Variants in DACH2 observed in about 807,000 individuals in gnomAD.
DACH2 encodes the protein dachshund family transcription factor 2.
Under a neutral mutation model 35.8 loss-of-function variants are expected in DACH2, and 17 were observed. That is an observed-to-expected ratio of 0.48 (90% confidence interval 0.33 to 0.71). The LOEUF (loss-of-function observed/expected upper bound fraction) is 0.71, where lower values mean the gene tolerates loss of function less well. Ranked by LOEUF, DACH2 falls within the 30% of genes least tolerant of loss-of-function variation. The probability of loss-of-function intolerance (pLI) is 0.02; values close to 1 mark genes in which losing one functional copy is unlikely to be tolerated. For synonymous variants in DACH2, 195 were observed against 177.3 expected (o/e 1.10, Z -0.79); for missense variants, 469 against 472.7 (o/e 0.99, Z 0.07).
chrX:86,398,521 G>T (rs1468220613), intron 2 of DACH2, among the ~76,000 whole-genome samples: 1 of 111,581 alleles, frequency 9.0e-6, no homozygotes, highest in Non-Finnish European at 1.9e-5. Context: ...TCTCCTGTGG[G>T]CATTTAATGC....
At position 86,735,581 on chromosome X, in the gene DACH2, G is replaced by A. The variant is rs745455627; in HGVS notation, c.1105-4166G>A. 2.7e-5 allele frequency among the ~76,000 whole-genome samples: 3 copies of A among 111,630 alleles called. No individual in the cohort carries two copies. In the South Asian group the frequency reaches 1.1e-3, roughly 41 times the overall value. ...TTTAGGCAAAGTCCTTGAACTATGT[G>A]AGTACACATCAGAATCTGAGTTATT... On this transcript the variant is annotated intron_variant, in intron 6 of 11. Transcript: ENST00000373125.
intron 2 of DACH2, among the ~76,000 whole-genome samples, chrX:86,496,523 C>T (rs1283131467): frequency 9.1e-6 from 1 of 110,097 alleles, no homozygotes. Context: ...TAATTCTACC[C>T]ATGTAATTGC....
chrX:86,546,418 TTTC>T (rs1186619287), intron 3 of DACH2, among the ~76,000 whole-genome samples: 9 of 33,878 alleles, frequency 2.7e-4, no homozygotes, highest in Non-Finnish European at 5.0e-4. Flanking sequence ...CTTCTTCTTC[TTTC>T]TTCTTCTTCT....
intron 3 of DACH2, among the ~76,000 whole-genome samples, chrX:86,626,525 C>A (rs1232551150): frequency 8.9e-6 from 1 of 112,695 alleles, no homozygotes; most frequent in Admixed American, 9.3e-5. Flanking sequence ...TGTGGGGGAT[C>A]CCACCCCCCA....
intron 1 of DACH2, among the ~76,000 whole-genome samples, chrX:86,359,568 T>C (rs550044529): frequency 3.6e-5 from 4 of 111,181 alleles, no homozygotes; most frequent in African/African-American, 1.3e-4. Flanking sequence ...GTCAACATAG[T>C]GAGACCCAAT....
chrX:86,379,494 G>GAAA (rs201266171), intron 2 of DACH2, among the ~76,000 whole-genome samples: 28 of 105,402 alleles, frequency 2.7e-4, no homozygotes, highest in African/African-American at 9.3e-4. Context: ...AATCTCTCTA[G>GAAA]GAAAAAAAAA....
At chrX:86,412,388 G>T (rs1303364325) in intron 2 of DACH2, among the ~76,000 whole-genome samples, 2 of 111,758 alleles carry the variant, frequency 1.8e-5, no homozygotes, top group Admixed American at 1.9e-4. Context: ...ATTGGATGCT[G>T]ATTCAGAGCA....
chrX:86,470,427 A>G (rs1035037408), intron 2 of DACH2, among the ~76,000 whole-genome samples: 104 of 112,042 alleles, frequency 9.3e-4, no homozygotes, highest in African/African-American at 3.3e-3. Context: ...CATGTCACAT[A>G]ATAATATCAT....
chrX:86,295,654 G>T (rs1316711522), intron 1 of DACH2, among the ~76,000 whole-genome samples: 2 of 110,916 alleles, frequency 1.8e-5, no homozygotes. Context: ...CTCCTTGGTC[G>T]GACATCAGCT....
intron 5 of DACH2, among the ~76,000 whole-genome samples, chrX:86,711,662 C>T (rs1485536069): frequency 1.8e-5 from 2 of 111,675 alleles, no homozygotes; most frequent in African/African-American, 3.3e-5. Flanking sequence ...TCAGTATTTG[C>T]GTATGCTTTG....
intron 7 of DACH2, among the ~76,000 whole-genome samples, chrX:86,750,172 TATCTC>T (rs772210417): frequency 2.5e-3 from 276 of 111,579 alleles, no homozygotes; most frequent in African/African-American, 8.5e-3. Flanking sequence ...TCTTATTTCT[TATCTC>T]AAGAGGAAAG....
intron 2 of DACH2, among the ~76,000 whole-genome samples, chrX:86,450,215 T>C (rs1456426249): frequency 1.8e-5 from 2 of 110,716 alleles, no homozygotes; most frequent in Non-Finnish European, 3.8e-5. Flanking sequence ...TTCCTGATCC[T>C]CTCCATCCTC....
At position 86,332,964 on chromosome X, in the gene DACH2, A is replaced by T. The variant is rs73518152; in HGVS notation, c.489-43860A>T. Among the ~76,000 whole-genome samples the T allele has an allele frequency of 3.6e-4, 40 of 112,025 alleles. 1 individual carries two copies. Among genetic ancestry groups the T allele is most frequent in the African/African-American group, 1.3e-3 (40 of 30,996 alleles). ...ATTTTAATCAAGCTTTCAGTAATTTATGCTTATTAGTTTTTCACTGATCTG... is the reference window on the plus strand; with the variant it reads ...ATTTTAATCAAGCTTTCAGTAATTTTTGCTTATTAGTTTTTCACTGATCTG... On this transcript the variant is annotated intron_variant, in intron 1 of 11. Coordinates refer to ENST00000373125, the MANE Select transcript of DACH2 (RefSeq NM_053281.3).
At chrX:86,616,258 A>G (rs998456091) in intron 3 of DACH2, among the ~76,000 whole-genome samples, 4 of 111,768 alleles carry the variant, frequency 3.6e-5, no homozygotes, top group African/African-American at 1.3e-4. Context: ...TTCATAGTAG[A>G]AAGATTTATA....
chrX:86,290,316 A>C (rs1294787849), intron 1 of DACH2, among the ~76,000 whole-genome samples: 1 of 66,109 alleles, frequency 1.5e-5, no homozygotes, highest in African/African-American at 6.1e-5. Flanking sequence ...TAGATTCTGG[A>C]TATTAGCCCT....
rs752636892 is a variant in DACH2, at chrX:86,537,391, C to A, written c.640+23000C>A. Among the ~76,000 whole-genome samples, 3 of 111,021 alleles carry A rather than the reference C, an allele frequency of 2.7e-5. No homozygotes were observed. In the East Asian group the frequency reaches 8.6e-4, roughly 32 times the overall value. ...GGCAGCACCAGTAATTTCTAAAGTGCGTTTGGGGTCATTCTCCCATTGTAC... is the reference window on the plus strand; with the variant it reads ...GGCAGCACCAGTAATTTCTAAAGTGAGTTTGGGGTCATTCTCCCATTGTAC... On this transcript the variant is annotated intron_variant, in intron 3 of 11. Transcript: ENST00000373125.
chrX:86,711,418 T>G (rs183011329), intron 5 of DACH2, among the ~76,000 whole-genome samples: 1 of 111,747 alleles, frequency 8.9e-6, no homozygotes, highest in Non-Finnish European at 1.9e-5. Flanking sequence ...GTAAATTAAA[T>G]TAAAAAAAGA....
intron 1 of DACH2, among the ~76,000 whole-genome samples, chrX:86,247,522 A>G (rs988085093): frequency 2.7e-5 from 3 of 111,908 alleles, no homozygotes; most frequent in East Asian, 5.6e-4. Context: ...AAAACAATAG[A>G]TAAATTCCAG....
At chrX:86,712,647 T>C (rs1438147112) in intron 5 of DACH2, among the ~76,000 whole-genome samples, 3 of 110,848 alleles carry the variant, frequency 2.7e-5, no homozygotes, top group African/African-American at 9.8e-5. Flanking sequence ...AAAGTAAAAA[T>C]AACCAAAAGT....
Sources: allele counts gnomAD v4.1 joint callset (sites outside exome capture counted in the v4.1 genomes callset), GRCh38; gene constraint gnomAD v4.1.1; transcripts MANE v1.5; gene names NCBI Gene and HGNC (gene_info 2026-07-23, HGNC 2026-07-21).